DNAJB1: variants seen among roughly 807,000 people sequenced by gnomAD.
The protein encoded by DNAJB1 is dnaJ homolog subfamily B member 1.
Under a neutral mutation model 24.0 loss-of-function variants are expected in DNAJB1, and 14 were observed. That is an observed-to-expected ratio of 0.58 (90% CI 0.39 to 0.91). The LOEUF is 0.91. Among genes scored for constraint, DNAJB1 ranks in the 40% least tolerant of loss-of-function variants. DNAJB1 has a pLI of 0.00. For synonymous variants in DNAJB1, 262 were observed against 174.4 expected (o/e 1.50, Z -3.96); for missense variants, 517 against 458.1 (o/e 1.13, Z -1.17).
chr19:14,545,276 C>T, intron 1 of DNAJB1: 1 of 451,612 alleles, frequency 2.2e-6, no homozygotes, highest in Non-Finnish European at 4.5e-6. Flanking sequence ...GTGTCACCCG[C>T]TTCCCCAAAG....
At chr19:14,556,840 G>T (rs1400851811) in intron 1 of DNAJB1, among the ~76,000 whole-genome samples, 2 of 152,192 alleles carry the variant, frequency 1.3e-5, no homozygotes, top group Non-Finnish European at 2.9e-5. Context: ...GGGCAGTGGG[G>T]AGCGTCGCAG....
upstream of DNAJB1, among the ~76,000 whole-genome samples, chr19:14,522,683 G>GACACACAGACACACACACACACACAC (rs751484199): frequency 3.4e-5 from 4 of 117,866 alleles, no homozygotes; most frequent in South Asian, 3.0e-4. Flanking sequence ...CACACACACA[G>GACACACAGACACACACACACACACAC]ACACACACAC....
chr19:14,555,881 C>T (rs868086621), intron 1 of DNAJB1, among the ~76,000 whole-genome samples: 1 of 152,200 alleles, frequency 6.6e-6, no homozygotes, highest in African/African-American at 2.4e-5. Flanking sequence ...CCACTGCGCC[C>T]AGCCCACTTT....
intron 1 of DNAJB1, among the ~76,000 whole-genome samples, chr19:14,545,514 G>T: frequency 6.6e-6 from 1 of 152,158 alleles, no homozygotes; most frequent in East Asian, 1.9e-4. Flanking sequence ...TAGGGGGTGG[G>T]GGGGATAGCC....
chr19:14,517,186 T>G, intron 1 of DNAJB1, 140 bp from the exon 2 acceptor site: 1 of 786,928 alleles, frequency 1.3e-6, no homozygotes, highest in South Asian at 1.9e-5. Context: ...GAACCCCAAG[T>G]TTCTACCTCT....
upstream of DNAJB1, among the ~76,000 whole-genome samples, chr19:14,554,291 C>T (rs1480720100): frequency 6.6e-6 from 1 of 152,184 alleles, no homozygotes; most frequent in Non-Finnish European, 1.5e-5. Context: ...TCGCTGTTCT[C>T]ACTCATCACC....
intron 1 of DNAJB1, among the ~76,000 whole-genome samples, chr19:14,545,538 C>T (rs949858741): frequency 2.0e-5 from 3 of 152,222 alleles, no homozygotes; most frequent in South Asian, 2.1e-4. Flanking sequence ...CTCAGTCGTG[C>T]GCACTGTCAT....
intron 1 of DNAJB1, among the ~76,000 whole-genome samples, chr19:14,540,015 G>A (rs1474338188): frequency 6.6e-6 from 1 of 150,968 alleles, no homozygotes; most frequent in Admixed American, 6.6e-5. Flanking sequence ...GAGTAGCTGG[G>A]ATTACAGGTA....
upstream of DNAJB1, chr19:14,529,755 T>TTC (rs2072545441): frequency 6.2e-7 from 1 of 1,613,472 alleles, no homozygotes. Context: ...TGCTGACCCA[T>TTC]TCTTTTTCCT....
upstream of DNAJB1, among the ~76,000 whole-genome samples, chr19:14,523,205 CGAAAA>C (rs370238901): frequency 4.1e-3 from 613 of 151,208 alleles, 5 homozygotes; most frequent in African/African-American, 0.013. Flanking sequence ...GACTCTGTCT[CGAAAA>C]GAAAAGAAAA....
upstream of DNAJB1, chr19:14,518,515 C>T (rs553511673): frequency 1.2e-5 from 6 of 504,228 alleles, no homozygotes; most frequent in South Asian, 4.0e-4. Flanking sequence ...TCGCCGCCGC[C>T]CTTTCAGCGA....
At chr19:14,528,546 C>T (rs2072490524) in intron 1 of DNAJB1, among the ~76,000 whole-genome samples, 1 of 152,068 alleles carries the variant, frequency 6.6e-6, no homozygotes. Context: ...CCTGGACCAG[C>T]CCCATTTCAA....
upstream of DNAJB1, among the ~76,000 whole-genome samples, chr19:14,522,514 A>G (rs1420835543): frequency 2.0e-5 from 3 of 149,834 alleles, no homozygotes; most frequent in Non-Finnish European, 4.4e-5. Context: ...AAAAGCCAAC[A>G]CTGAAAGCAA....
intron 2 of DNAJB1, among the ~76,000 whole-genome samples, chr19:14,524,152 G>A (rs9749404): frequency 0.33 from 50,592 of 151,992 alleles, 8,696 homozygotes; most frequent in South Asian, 0.45. Flanking sequence ...CTCAGCTTGT[G>A]TATAATGTGA....
At chr19:14,559,932 G>A (rs1383226618) in intron 1 of DNAJB1, among the ~76,000 whole-genome samples, 2 of 152,132 alleles carry the variant, frequency 1.3e-5, no homozygotes, top group Non-Finnish European at 2.9e-5. Context: ...GGAGACGGAC[G>A]GCCGTCCCAC....
chr19:14,537,546 C>A (rs557184769), intron 1 of DNAJB1, among the ~76,000 whole-genome samples: 1 of 152,124 alleles, frequency 6.6e-6, no homozygotes, highest in African/African-American at 2.4e-5. Context: ...CCTGCACTTT[C>A]ATTGACAAGC....
At chr19:14,559,678 T>G (rs1252133663) in intron 1 of DNAJB1, among the ~76,000 whole-genome samples, 1 of 151,832 alleles carries the variant, frequency 6.6e-6, no homozygotes, top group Admixed American at 6.6e-5. Flanking sequence ...TCCCAGCTAC[T>G]CTGGAGGCTG....
rs545193107 is a variant in DNAJB1 at position 14,544,635 on chromosome 19, C to CT, written c.-214+5572dup. ...TTGCTGCTGCGGTGTTTGGCCATTC[C>CT]TTTTTTTTTTTTTTTTGAGACAGGG... On this transcript the variant is annotated intron_variant, in intron 1 of 3. Transcript: ENST00000676982. Among the ~76,000 whole-genome samples, 1,258 of 134,180 alleles carry CT rather than the reference C, an allele frequency of 9.4e-3. 12 individuals are homozygous for CT. Among genetic ancestry groups the CT allele is most frequent in the South Asian group, 0.022 (84 of 3,878 alleles). The allele number at this position is 134,180 out of a possible 152,430, so 88.0% of individuals were successfully genotyped here.
chr19:14,540,927 C>T (rs963148552), intron 1 of DNAJB1, among the ~76,000 whole-genome samples: 13 of 152,040 alleles, frequency 8.6e-5, no homozygotes, highest in South Asian at 4.1e-4. Context: ...TTCCGCTTTC[C>T]GGTTTCAAGC....
Sources: gnomAD v4.1 joint callset for allele counts (sites outside exome capture counted in the v4.1 genomes callset) on GRCh38, gnomAD v4.1.1 for gene constraint, MANE v1.5 for transcripts, NCBI Gene and HGNC (gene_info 2026-07-23, HGNC 2026-07-21) for gene names.